TANGO6: variants seen among roughly 807,000 people sequenced by gnomAD.
TANGO6 encodes transport and golgi organization 6 homolog.
A neutral mutation model predicts 114.2 loss-of-function variants in TANGO6; 90 were observed. The observed-to-expected ratio is 0.79, with a 90% confidence interval of 0.66 to 0.94. TANGO6 has a LOEUF of 0.94. TANGO6 is among the 40% of genes least tolerant of loss of function. TANGO6 has a pLI of 0.00. For missense variants in TANGO6, 1,274 were observed against 1,315.3 expected, an observed-to-expected ratio of 0.97 and a Z score of 0.49; for synonymous variants, 477 against 509.8, an observed-to-expected ratio of 0.94 and a Z score of 0.87.
At chr16:68,901,498 G>GT (rs903289948) in intron 8 of TANGO6, among the ~76,000 whole-genome samples, 16 of 151,836 alleles carry the variant, frequency 1.1e-4, no homozygotes, top group Non-Finnish European at 1.6e-4. Context: ...TCTTGTTTTT[G>GT]TTTTTTTTGA....
intron 9 of TANGO6, among the ~76,000 whole-genome samples, chr16:68,904,565 A>G (rs1962825030): frequency 6.6e-6 from 1 of 152,208 alleles, no homozygotes; most frequent in South Asian, 2.1e-4. Flanking sequence ...CAAATTAGTA[A>G]TTGTACTTTT....
At position 68,927,823 on chromosome 16, in the gene TANGO6, C is replaced by G; in HGVS notation, c.2383C>G (p.Leu795Val). Residue 795 changes from leucine (L) to valine (V), a missense_variant, in exon 13 of 18, where the codon CTT (leucine) becomes GTT (valine). By Grantham distance (32) the Leu-to-Val change is conservative. This residue lies in a region of TANGO6 where 908 missense variants were observed against 910.2 expected (regional missense o/e 1.00). Coordinates refer to ENST00000261778, the MANE Select transcript of TANGO6 (RefSeq NM_024562.2). ...ACCCACTGATGTAGCTCATAGCCAC[C>G]TTGAACAACAGCAGAGCCATGAGAC... is the stretch of plus-strand genomic sequence containing the variant. ...ERPTDVAHSH[L>V]EQQQSHETAP... 6.2e-7 allele frequency: 1 copy of G among 1,614,016 alleles called. No homozygotes were observed. Among genetic ancestry groups the G allele is most frequent in the Non-Finnish European group, 8.5e-7 (1 of 1,179,896 alleles).
intron 11 of TANGO6, among the ~76,000 whole-genome samples, chr16:68,915,305 T>C (rs1962987046): frequency 6.6e-6 from 1 of 152,080 alleles, no homozygotes; most frequent in Non-Finnish European, 1.5e-5. Context: ...CACTCTTTGT[T>C]GCCCAGGCTG....
At chr16:68,846,494 G>A (rs531933653) in intron 1 of TANGO6, 2 of 345,806 alleles carry the variant, frequency 5.8e-6, no homozygotes, top group East Asian at 1.3e-4. Flanking sequence ...TCTTTTATAC[G>A]ATTCTTTCTT....
rs760496722 is a variant in TANGO6, at chr16:68,958,171, C to CA, written c.2702-15845dup. Among the ~76,000 whole-genome samples the CA allele has an allele frequency of 6.6e-3, 804 of 122,234 alleles. 5 individuals carry two copies. The highest frequency in any genetic ancestry group is 0.019 in the African/African-American group (617 of 32,886). The allele number at this position is 122,234 out of a possible 152,430, so 80.2% of individuals were successfully genotyped here. The stretch of plus-strand genomic sequence containing the variant: ...GGGCAAGAAGAGGGAAACTCCATCT[C>CA]AAAAAAAAAAAACAAATTAAATTAA... On this transcript the variant is annotated intron_variant, in intron 14 of 17. Transcript: ENST00000261778.
chr16:68,847,185 C>T (rs374777426), intron 1 of TANGO6, among the ~76,000 whole-genome samples: 67 of 152,130 alleles, frequency 4.4e-4, no homozygotes, highest in African/African-American at 1.3e-3. Context: ...CCACCGCGCC[C>T]GGCCAAAGAG....
intron 11 of TANGO6, among the ~76,000 whole-genome samples, chr16:68,913,086 A>C (rs1288677722): frequency 1.3e-5 from 2 of 151,594 alleles, no homozygotes; most frequent in African/African-American, 4.8e-5. Flanking sequence ...AAAAAAAAAA[A>C]AAAAACAGGG....
intron 15 of TANGO6, among the ~76,000 whole-genome samples, chr16:68,981,708 A>G (rs1963838445): frequency 6.6e-6 from 1 of 152,132 alleles, no homozygotes; most frequent in South Asian, 2.1e-4. Flanking sequence ...AATTAATCTG[A>G]TCTGCTGTAG....
Position 68,860,191 on chromosome 16 carries a change from C to G in TANGO6, c.402C>G (p.Pro134=). Residue 134 remains proline (P), a synonymous_variant, in exon 2 of 18, where the codon CCC becomes CCG. Coordinates refer to ENST00000261778, the MANE Select transcript of TANGO6 (RefSeq NM_024562.2). ...CGGAAGTTGCTCCTGCCCTGAGCCCCGATGCACTTAGTATCTCACAACAGA... is the reference window on the plus strand; with the variant it reads ...CGGAAGTTGCTCCTGCCCTGAGCCCGGATGCACTTAGTATCTCACAACAGA... ...RTPEVAPALS[P]DALSISQQKT... The G allele has an allele frequency of 6.2e-7, 1 of 1,613,960 alleles. No individual in the cohort carries two copies. Among genetic ancestry groups the G allele is most frequent in the South Asian group, 1.1e-5 (1 of 91,078 alleles).
chr16:69,049,245 C>A (rs1391486107), intron 17 of TANGO6, among the ~76,000 whole-genome samples: 1 of 152,014 alleles, frequency 6.6e-6, no homozygotes, highest in Non-Finnish European at 1.5e-5. Flanking sequence ...TCTCCTCTTC[C>A]CCGTTCTCCT....
rs539920273 is a variant in TANGO6, at chr16:68,981,569, C to T, written c.2842+7401C>T. Among the ~76,000 whole-genome samples, 92 of 152,226 alleles carry T rather than the reference C, an allele frequency of 6.0e-4. 1 individual carries two copies. The highest frequency in any genetic ancestry group is 1.2e-3 in the Non-Finnish European group (84 of 68,012). ...CATATTTTCTGTTTAGTAATATGTT[C>T]CTGATATTACTATTACTGTGCCCAA... On this transcript the variant is annotated intron_variant, in intron 15 of 17. Transcript: ENST00000261778.
rs544114644 is a variant in TANGO6, at chr16:68,900,626, T to C, written c.1490+80T>C. On this transcript the variant is annotated intron_variant, in intron 8 of 17. Transcript: ENST00000261778. The stretch of plus-strand genomic sequence containing the variant: ...GTTGTTTTTGTTCTTATTTTGAATT[T>C]ATATTTGCCACTTTGAAATTATCAT... 33 of 1,123,738 alleles carry C rather than the reference T, an allele frequency of 2.9e-5. No individual in the cohort carries two copies. The Middle Eastern group carries it at 6.8e-4, about 23-fold the overall frequency. 69.6% of individuals were successfully genotyped at this position (1,123,738 alleles called of 1,614,324 possible).
chr16:68,850,067 A>G (rs886339854), intron 1 of TANGO6, among the ~76,000 whole-genome samples: 2 of 142,296 alleles, frequency 1.4e-5, no homozygotes, highest in Admixed American at 7.7e-5. Context: ...TCCGCCTCCC[A>G]GGTTCAAGCG....
chr16:69,059,444 G>A (rs1960082473), intron 17 of TANGO6, among the ~76,000 whole-genome samples: 1 of 152,032 alleles, frequency 6.6e-6, no homozygotes, highest in African/African-American at 2.4e-5. Context: ...GACCTTAGGT[G>A]TTCCGCCCGC....
chr16:68,843,566 C>T lies in TANGO6; in HGVS notation c.-52C>T, dbSNP rs990661718. Reference sequence around the variant, plus strand: ...GCCACACTTAACATGGCGGCGGCGGCGCCCTGCCGAGGCGCCTGAGCGGGT... The same window carrying T: ...GCCACACTTAACATGGCGGCGGCGGTGCCCTGCCGAGGCGCCTGAGCGGGT... On this transcript the variant is annotated 5_prime_UTR_variant, in exon 1 of 18. Transcript: ENST00000261778. 3.2e-6 allele frequency: 5 copies of T among 1,561,514 alleles called. No individual in the cohort carries two copies. The highest frequency in any genetic ancestry group is 3.6e-5 in the Admixed American group (2 of 56,226).
chr16:68,869,238 C>T (rs890765471), intron 4 of TANGO6, among the ~76,000 whole-genome samples: 5 of 152,212 alleles, frequency 3.3e-5, no homozygotes, highest in African/African-American at 1.2e-4. Context: ...AATCCCAACA[C>T]TTTGGGAGGC....
At chr16:68,880,510 G>T in intron 6 of TANGO6, 38 bp from the exon 7 acceptor site, 2 of 1,471,424 alleles carry the variant, frequency 1.4e-6, no homozygotes, top group Non-Finnish European at 1.9e-6. Context: ...ATTCAGTGAG[G>T]CACTAAATAT....
intron 17 of TANGO6, among the ~76,000 whole-genome samples, chr16:69,043,482 T>C (rs1959806025): frequency 6.6e-6 from 1 of 152,148 alleles, no homozygotes; most frequent in Non-Finnish European, 1.5e-5. Context: ...TCAAAACCCA[T>C]GTGAATGAAA....
chr16:69,047,954 T>C (rs147122518), intron 17 of TANGO6, among the ~76,000 whole-genome samples: 78 of 152,346 alleles, frequency 5.1e-4, no homozygotes, highest in African/African-American at 1.8e-3. Context: ...CTATCTGTTT[T>C]GTGGGAGATC....
Sources: allele counts gnomAD v4.1 joint callset (sites outside exome capture counted in the v4.1 genomes callset), GRCh38; gene constraint gnomAD v4.1.1; regional missense constraint gnomAD v4.1.1; transcripts MANE v1.5; gene names NCBI Gene and HGNC (gene_info 2026-07-23, HGNC 2026-07-21).